The following SNAPC4 variants were observed in gnomAD, a reference collection of about 807,000 sequenced individuals.
SNAPC4 encodes small nuclear RNA activating complex polypeptide 4.
A neutral mutation model predicts 151.3 loss-of-function variants in SNAPC4; 127 were observed. That is an observed-to-expected ratio of 0.84 (90% CI 0.73 to 0.97). The LOEUF (loss-of-function observed/expected upper bound fraction) is 0.97. Among genes scored for constraint, SNAPC4 ranks in the 50% least tolerant of loss-of-function variants. The pLI, the probability that SNAPC4 is intolerant of heterozygous loss-of-function variation, is 0.00. For synonymous variants in SNAPC4, 1,002 were observed against 824.4 expected (o/e 1.22, Z -3.69); for missense variants, 2,186 against 1,935.0 (o/e 1.13, Z -2.43).
At position 136,394,886 on chromosome 9, in the gene SNAPC4, G is replaced by A; in HGVS notation, c.472-8C>T. 2 of 1,613,132 alleles carry A rather than the reference G, an allele frequency of 1.2e-6. No homozygotes were observed. The highest frequency in any genetic ancestry group is 1.1e-5 in the South Asian group (1 of 91,064). The stretch of plus-strand genomic sequence containing the variant: ...CTCGTTGGCAGGTGGCCCCTGTCAG[G>A]GTGCACGGCATCACCACAAGCACAG... On this transcript the variant is annotated splice_polypyrimidine_tract_variant and splice_region_variant and intron_variant, in intron 5 of 23. Coordinates refer to ENST00000684778, the MANE Select transcript of SNAPC4 (RefSeq NM_003086.4).
At chr9:136,388,392 T>C in intron 11 of SNAPC4, 52 bp downstream of exon 11, 8 of 1,586,026 alleles carry the variant, frequency 5.0e-6, no homozygotes, top group Non-Finnish European at 6.9e-6. Context: ...TCCAGTGTCC[T>C]GATATGGGGC....
rs528992662 is a variant in SNAPC4 at position 136,378,077 on chromosome 9, C to T, written c.3750G>A (p.Gly1250=). 7.6e-6 allele frequency: 12 copies of T among 1,580,450 alleles called. No homozygotes were observed. In the South Asian group the frequency reaches 1.0e-4, roughly 14 times the overall value. ...GGGGCGGCTTCTCCAGGTCCAGGGC[C>T]CCCTTCTCAGGCCCAGGCTGGCGCA... ...LPLRQPGPEK[G]ALDLEKPPLP... The change falls in exon 22 of 24, where the codon GGG becomes GGA. Residue 1250 remains glycine (G), a synonymous_variant. Transcript: ENST00000684778.
chr9:136,394,901 C>T (rs373000045), intron 5 of SNAPC4, 23 bp from the exon 6 acceptor site: 172 of 1,609,206 alleles, frequency 1.1e-4, no homozygotes, highest in Non-Finnish European at 1.4e-4. Flanking sequence ...ACGGCATCAC[C>T]ACAAGCACAG....
chr9:136,397,463 G>T (rs974022266), intron 2 of SNAPC4, among the ~76,000 whole-genome samples: 44 of 106,696 alleles, frequency 4.1e-4, no homozygotes, highest in Non-Finnish European at 7.1e-4. Flanking sequence ...AAGCAAGGCT[G>T]GGGGGGTCTC....
chr9:136,393,128 G>C (rs1020197861), intron 7 of SNAPC4, among the ~76,000 whole-genome samples: 3 of 152,206 alleles, frequency 2.0e-5, no homozygotes, highest in Non-Finnish European at 4.4e-5. Context: ...CCAGTGAGGA[G>C]GCCAGAGGCT....
In SNAPC4 at chr9:136,382,312, G is replaced by A. The variant is rs1473772399; in HGVS notation, c.2008C>T (p.Pro670Ser). 1.2e-6 allele frequency: 2 copies of A among 1,613,134 alleles called. No individual in the cohort carries two copies. Among genetic ancestry groups the A allele is most frequent in the Admixed American group, 1.7e-5 (1 of 60,012 alleles). ...LEGGRRLLTV[P>S]VETVLRVLRA... ...AGCACCCTCAGCACGGTCTCCACAGGCACTGTCAGCAGACGCCTCCCACCC... is the reference window on the plus strand; with the variant it reads ...AGCACCCTCAGCACGGTCTCCACAGACACTGTCAGCAGACGCCTCCCACCC... Residue 670 changes from proline (P) to serine (S), a missense_variant, in exon 17 of 24, where the codon CCT (proline) becomes TCT (serine). By Grantham distance (74) the Pro-to-Ser change is moderately conservative (BLOSUM62 -1). Coordinates refer to ENST00000684778, the MANE Select transcript of SNAPC4 (RefSeq NM_003086.4).
Position 136,380,554 on chromosome 9 carries a change from C to T in SNAPC4, c.2499+186G>A, listed in dbSNP as rs72775756. ...GGCACGTGGGCCCCAGTGTCAGCCC[C>T]GACCTGCACCTGCCTGACTTCCCCA... On this transcript the variant is annotated intron_variant, in intron 20 of 23. Transcript: ENST00000684778. Among the ~76,000 whole-genome samples the T allele has an allele frequency of 0.015, 2,325 of 152,324 alleles. 29 individuals are homozygous for T. The highest frequency in any genetic ancestry group is 0.022 in the Non-Finnish European group (1,506 of 68,008).
intron 10 of SNAPC4, among the ~76,000 whole-genome samples, chr9:136,389,748 T>C (rs1285957115): frequency 6.6e-6 from 1 of 151,750 alleles, no homozygotes; most frequent in East Asian, 1.9e-4. Context: ...GGCAAAGGAC[T>C]GGGGGGTGGG....
In SNAPC4 at chr9:136,388,514, C is replaced by G; in HGVS notation, c.1053G>C (p.Glu351Asp). The G allele has an allele frequency of 6.2e-7, 1 of 1,613,894 alleles. No homozygotes were observed. Among genetic ancestry groups the G allele is most frequent in the Non-Finnish European group, 8.5e-7 (1 of 1,179,970 alleles). The part of the protein sequence containing the change: ...NKALKRKEWT[E>D]EEDRMLTQLV... The stretch of plus-strand genomic sequence containing the variant: ...GCTGCGTGAGCATGCGGTCCTCCTC[C>G]TCTGTCCACTCCTTGCGTTTCAGAG... Residue 351 changes from glutamate to aspartate, a missense_variant, in exon 11 of 24, where the codon GAG becomes GAC. Transcript: ENST00000684778.
rs1333572501 is a variant in SNAPC4, at chr9:136,383,337, C to T, written c.1832G>A (p.Ser611Asn). 1 of 1,610,274 alleles carries T rather than the reference C, an allele frequency of 6.2e-7. No individual in the cohort carries two copies. Among genetic ancestry groups the T allele is most frequent in the South Asian group, 1.1e-5 (1 of 90,762 alleles). Residue 611 changes from serine (S) to asparagine (N), a missense_variant, in exon 16 of 24, where the codon AGC becomes AAC. Ser to Asn is a conservative substitution (Grantham distance 46, BLOSUM62 1). Transcript: ENST00000684778. This position sits in a 1 kb window ranked among gnomAD's most constrained non-coding sequence, Gnocchi z 4.2. Reference protein sequence around the residue: ...PKGSSASQGGSKEASTTAAAP... With the variant: ...PKGSSASQGGNKEASTTAAAP... ...CGCGGCTGTGGTGGAAGCTTCCTTGCTGCCGCCCTGGCTGGCACTGGACCC... is the reference window on the plus strand; with the variant it reads ...CGCGGCTGTGGTGGAAGCTTCCTTGTTGCCGCCCTGGCTGGCACTGGACCC...
chr9:136,395,004 G>A, intron 5 of SNAPC4, 126 bp from the exon 6 acceptor site: 2 of 897,146 alleles, frequency 2.2e-6, no homozygotes, highest in South Asian at 3.4e-5. Context: ...GTACTGTGAG[G>A]CTGTGGGGGT....
chr9:136,378,585 G>A lies in SNAPC4; in HGVS notation c.3242C>T (p.Thr1081Ile). The A allele has an allele frequency of 6.3e-7, 1 of 1,586,304 alleles. No homozygotes were observed. The highest frequency in any genetic ancestry group is 1.1e-5 in the South Asian group (1 of 87,970). ...SVPLPVTWVL[T>I]AQGLLPVPVP... ...AGGAACAGGGAGAAGCCCCTGGGCT[G>A]TGAGCACCCAGGTGACAGGCAGGGG... The change falls in exon 22 of 24, where the codon ACA becomes ATA. Residue 1081 changes from threonine to isoleucine, a missense_variant. By Grantham distance (89) the Thr-to-Ile change is moderately conservative (BLOSUM62 -1). Coordinates refer to ENST00000684778, the MANE Select transcript of SNAPC4 (RefSeq NM_003086.4).
intron 13 of SNAPC4, among the ~76,000 whole-genome samples, chr9:136,385,556 C>A (rs1478815889): frequency 7.9e-6 from 1 of 125,846 alleles, no homozygotes; most frequent in Non-Finnish European, 1.8e-5. Flanking sequence ...AATCCCACTC[C>A]CCCCCCTTTT....
Position 136,377,839 on chromosome 9 carries a change from A to T in SNAPC4, c.3988T>A (p.Ser1330Thr). ...HKKALEHKATSLVVGGEAERP... is the reference protein window; with the variant it reads ...HKKALEHKATTLVVGGEAERP... ...TCAGCCTCGCCCCCCACCACCAGGG[A>T]GGTGGCCTTGTGCTCCAGGGCCTTC... The change falls in exon 22 of 24, where the codon TCC becomes ACC. Residue 1330 changes from serine to threonine, a missense_variant. By Grantham distance (58) the Ser-to-Thr change is moderately conservative. Coordinates refer to ENST00000684778, the MANE Select transcript of SNAPC4 (RefSeq NM_003086.4). 1 of 1,611,472 alleles carries T rather than the reference A, an allele frequency of 6.2e-7. No homozygotes were observed. Among genetic ancestry groups the T allele is most frequent in the South Asian group, 1.1e-5 (1 of 91,078 alleles).
chr9:136,395,813 G>A (rs755372717), intron 3 of SNAPC4, 43 bp from the exon 4 acceptor site: 71 of 1,577,308 alleles, frequency 4.5e-5, no homozygotes, highest in Non-Finnish European at 6.1e-5. Context: ...ATGAGACGTG[G>A]ATGCTCCCCT....
chr9:136,398,025 T>C (rs1355541714), intron 2 of SNAPC4, among the ~76,000 whole-genome samples: 1 of 152,030 alleles, frequency 6.6e-6, no homozygotes, highest in Non-Finnish European at 1.5e-5. Context: ...GACACCAGTG[T>C]TGGCAAAAAA....
In SNAPC4 at chr9:136,378,860, G is replaced by A. The variant is rs201641236; in HGVS notation, c.2967C>T (p.Leu989=). The A allele has an allele frequency of 1.1e-4, 173 of 1,609,484 alleles. No homozygotes were observed. The highest frequency in any genetic ancestry group is 1.1e-4 in the East Asian group (5 of 44,816). ...CCTCGGCCTCTGAGAAGACAGGAGC[G>A]AGGGGCAGGGCTTGCATGGTGGAGA... ...KRLSTMQALP[L]APVFSEAEGT... is the part of the protein sequence containing the mutation. Residue 989 remains leucine, a synonymous_variant, in exon 22 of 24, where the codon CTC becomes CTT. Transcript: ENST00000684778.
chr9:136,396,954 A>G (rs1243352978), intron 3 of SNAPC4, 23 bp downstream of exon 3: 1 of 1,609,724 alleles, frequency 6.2e-7, no homozygotes, highest in South Asian at 1.1e-5. Flanking sequence ...CCAGTGGCAC[A>G]GCCAGATCAG....
In SNAPC4 at chr9:136,383,437, T is replaced by A. The variant is rs1260587722; in HGVS notation, c.1732A>T (p.Ser578Cys). The change falls in exon 16 of 24, where the codon AGC becomes TGC. Residue 578 changes from serine to cysteine, a missense_variant. Physicochemically the swap from Ser to Cys is moderately radical, Grantham distance 112. Transcript: ENST00000684778. This position sits in a 1 kb window ranked among gnomAD's most constrained non-coding sequence, Gnocchi z 4.2. Reference protein sequence around the residue: ...DMDLWVPARQSTSQPWRGGAG... With the variant: ...DMDLWVPARQCTSQPWRGGAG... The stretch of plus-strand genomic sequence containing the variant: ...CCTCCTCTCCATGGCTGGCTGGTGC[T>A]CTGCCTGGCAGGAACCCACAGGTCC... The A allele has an allele frequency of 6.4e-7, 1 of 1,563,158 alleles. No individual in the cohort carries two copies. The highest frequency in any genetic ancestry group is 1.2e-5 in the South Asian group (1 of 86,078).
Sources: allele counts gnomAD v4.1 joint callset (sites outside exome capture counted in the v4.1 genomes callset), GRCh38; gene constraint gnomAD v4.1.1; non-coding constraint Gnocchi (gnomAD v3.1); transcripts MANE v1.5; gene names NCBI Gene and HGNC (gene_info 2026-07-23, HGNC 2026-07-21).